SPIRE1: variants seen among roughly 807,000 people sequenced by gnomAD.
The protein encoded by SPIRE1 is protein spire homolog 1.
SPIRE1 carries 40 observed loss-of-function variants against 94.1 expected under a neutral mutation model. That is an observed-to-expected ratio of 0.43 (90% confidence interval 0.33 to 0.55). The LOEUF is 0.55. Among genes scored for constraint, SPIRE1 ranks in the 20% least tolerant of loss-of-function variants. SPIRE1 has a pLI of 0.06. For synonymous variants in SPIRE1, 376 were observed against 371.7 expected, an observed-to-expected ratio of 1.01 and a Z score of -0.13; for missense variants, 838 against 975.2, an observed-to-expected ratio of 0.86 and a Z score of 1.87.
intron 2 of SPIRE1, among the ~76,000 whole-genome samples, chr18:12,573,113 C>A (rs1005435917): frequency 3.9e-5 from 6 of 151,912 alleles, no homozygotes; most frequent in Non-Finnish European, 5.9e-5. Context: ...GAACTGGTAT[C>A]CAAAATATAG....
chr18:12,496,197 A>C (rs1184420508), intron 6 of SPIRE1, 95 bp from the exon 7 acceptor site: 1 of 800,078 alleles, frequency 1.2e-6, no homozygotes, highest in Non-Finnish European at 2.1e-6. Flanking sequence ...CCATAAAATT[A>C]GTGAAGTGTA....
chr18:12,579,800 C>A (rs12604385), intron 2 of SPIRE1, among the ~76,000 whole-genome samples: 72,718 of 151,904 alleles, frequency 0.48, 18,159 homozygotes, highest in East Asian at 0.6. Flanking sequence ...TGCATCAGGA[C>A]TAGAACTGCT....
intron 4 of SPIRE1, among the ~76,000 whole-genome samples, chr18:12,525,773 G>A (rs781772774): frequency 6.6e-5 from 10 of 152,008 alleles, no homozygotes; most frequent in Non-Finnish European, 1.5e-4. Flanking sequence ...TTAAAACAAA[G>A]GAGTTCTATT....
Position 12,605,322 on chromosome 18 carries a change from T to C in SPIRE1, c.372+29740A>G, listed in dbSNP as rs150387122. Among the ~76,000 whole-genome samples the C allele has an allele frequency of 1.3e-3, 193 of 152,196 alleles. 2 individuals are homozygous for C. In the East Asian group the frequency reaches 0.03, roughly 24 times the overall value. On this transcript the variant is annotated intron_variant, in intron 2 of 16. Coordinates refer to ENST00000409402, the MANE Select transcript of SPIRE1 (RefSeq NM_001128626.2). ...CCATGAGGTCAGGAAATGGTCAACA[T>C]GGTGAAACCCTGTCTCTACTAAAAT...
intron 2 of SPIRE1, among the ~76,000 whole-genome samples, chr18:12,549,972 T>C (rs1198260328): frequency 6.6e-6 from 1 of 152,164 alleles, no homozygotes; most frequent in Non-Finnish European, 1.5e-5. Flanking sequence ...AAGAAGTCAT[T>C]TTATATCATC....
chr18:12,566,664 T>C (rs1404937012), intron 2 of SPIRE1, among the ~76,000 whole-genome samples: 1 of 152,116 alleles, frequency 6.6e-6, no homozygotes, highest in Non-Finnish European at 1.5e-5. Flanking sequence ...CTAGAAATTC[T>C]AGGGAAACCA....
chr18:12,639,505 A>G (rs2038027271), intron 1 of SPIRE1, among the ~76,000 whole-genome samples: 1 of 152,130 alleles, frequency 6.6e-6, no homozygotes, highest in Admixed American at 6.5e-5. Context: ...AGGCCAAGGC[A>G]GGTGGATCAC....
intron 4 of SPIRE1, among the ~76,000 whole-genome samples, chr18:12,530,118 G>A (rs1277181513): frequency 6.6e-6 from 1 of 152,058 alleles, no homozygotes; most frequent in Non-Finnish European, 1.5e-5. Context: ...CTACAGCATT[G>A]AACTGCTTTT....
intron 2 of SPIRE1, among the ~76,000 whole-genome samples, chr18:12,558,087 G>A (rs553764922): frequency 6.6e-6 from 1 of 152,310 alleles, no homozygotes; most frequent in South Asian, 2.1e-4. Flanking sequence ...TCTGGAATTG[G>A]TGGGTTATTG....
intron 4 of SPIRE1, among the ~76,000 whole-genome samples, chr18:12,527,883 G>A (rs1230916060): frequency 6.6e-5 from 10 of 152,050 alleles, no homozygotes; most frequent in Non-Finnish European, 1.3e-4. Context: ...TGGCTAACAC[G>A]GTGAAACCCC....
chr18:12,479,893 A>T, intron 9 of SPIRE1, 22 bp from the exon 10 acceptor site: 2 of 1,605,554 alleles, frequency 1.2e-6, no homozygotes, highest in Non-Finnish European at 1.7e-6. Context: ...GCAAAAGCTT[A>T]CCTTTTCTTG....
At chr18:12,501,156 CATT>C (rs2143939565) in intron 6 of SPIRE1, among the ~76,000 whole-genome samples, 1 of 140,518 alleles carries the variant, frequency 7.1e-6, no homozygotes, top group Admixed American at 7.2e-5. Context: ...AACCTTGAAA[CATT>C]ATGCTAAGTC....
At chr18:12,581,090 A>T (rs2036246115) in intron 2 of SPIRE1, among the ~76,000 whole-genome samples, 1 of 152,212 alleles carries the variant, frequency 6.6e-6, no homozygotes, top group South Asian at 2.1e-4. Flanking sequence ...CTACTAAAGT[A>T]AGCAAACACT....
intron 7 of SPIRE1, among the ~76,000 whole-genome samples, chr18:12,493,708 C>A (rs1269933663): frequency 6.6e-6 from 1 of 152,118 alleles, no homozygotes; most frequent in Non-Finnish European, 1.5e-5. Flanking sequence ...CACCTGGCTA[C>A]ACTTTGAATG....
At chr18:12,587,056 A>G (rs977501099) in intron 2 of SPIRE1, among the ~76,000 whole-genome samples, 4 of 152,188 alleles carry the variant, frequency 2.6e-5, no homozygotes, top group African/African-American at 9.7e-5. Context: ...TAATTCTATC[A>G]AGTAGGTATT....
intron 6 of SPIRE1, among the ~76,000 whole-genome samples, chr18:12,503,883 C>T (rs2033746769): frequency 6.8e-6 from 1 of 147,406 alleles, no homozygotes; most frequent in African/African-American, 2.5e-5. Context: ...CCCCAAAAGA[C>T]ACCCAGTTTG....
chr18:12,472,529 G>A (rs1384080466), intron 10 of SPIRE1, among the ~76,000 whole-genome samples: 1 of 151,790 alleles, frequency 6.6e-6, no homozygotes, highest in African/African-American at 2.4e-5. Context: ...CACCATGCCA[G>A]ACTAAGTTCT....
intron 2 of SPIRE1, among the ~76,000 whole-genome samples, chr18:12,551,429 C>T (rs953850867): frequency 2.0e-5 from 3 of 152,102 alleles, no homozygotes; most frequent in Non-Finnish European, 4.4e-5. Flanking sequence ...TGGCTGGGCG[C>T]GGTGGCTCAC....
chr18:12,544,374 T>G (rs1048106988), intron 3 of SPIRE1, among the ~76,000 whole-genome samples: 1 of 66,414 alleles, frequency 1.5e-5, no homozygotes, highest in Non-Finnish European at 4.7e-5. Flanking sequence ...TAATTTTGTA[T>G]TTTTTTTTTT....
Sources: allele counts gnomAD v4.1 joint callset (sites outside exome capture counted in the v4.1 genomes callset), GRCh38; gene constraint gnomAD v4.1.1; transcripts MANE v1.5; gene names NCBI Gene and HGNC (gene_info 2026-07-23, HGNC 2026-07-21).